ATRNL1: variants seen among roughly 807,000 people sequenced by gnomAD.
The protein encoded by ATRNL1 is attractin like 1.
A neutral mutation model predicts 182.7 loss-of-function variants in ATRNL1; 95 were observed. The observed-to-expected ratio is 0.52, with a 90% CI of 0.44 to 0.62. The LOEUF (loss-of-function observed/expected upper bound fraction) is 0.62. Among genes scored for constraint, ATRNL1 ranks in the 20% least tolerant of loss-of-function variants. The pLI, the probability that ATRNL1 is intolerant of heterozygous loss-of-function variation, is 0.00. For missense variants in ATRNL1, 1,471 were observed against 1,679.5 expected (o/e 0.88, Z 2.17); for synonymous variants, 576 against 568.3 (o/e 1.01, Z -0.19).
At chr10:115,196,791 C>T (rs1183593567) in intron 8 of ATRNL1, among the ~76,000 whole-genome samples, 6 of 152,088 alleles carry the variant, frequency 3.9e-5, no homozygotes, top group African/African-American at 9.7e-5. Context: ...TTATTAATAT[C>T]TGTAGCCCAT....
In ATRNL1 at chr10:115,094,090, C is replaced by G. The variant is rs782010946; in HGVS notation, c.293+47C>G. 2.3e-6 allele frequency: 3 copies of G among 1,326,128 alleles called. No individual in the cohort carries two copies. In the South Asian group the frequency reaches 6.3e-5, roughly 28 times the overall value. The allele number at this position is 1,326,128 out of a possible 1,614,324, so 82.1% of individuals were successfully genotyped here. On this transcript the variant is annotated intron_variant, in intron 1 of 28. Coordinates refer to ENST00000355044, the MANE Select transcript of ATRNL1 (RefSeq NM_207303.4). The stretch of plus-strand genomic sequence containing the variant: ...CGAACCTCCAGCCCTGCCTCGCTCC[C>G]GTCGCGGCCTTCCCCGCCCCCCTCG...
chr10:115,185,699 AT>A (rs1360897191), intron 8 of ATRNL1, among the ~76,000 whole-genome samples: 2 of 151,936 alleles, frequency 1.3e-5, no homozygotes, highest in African/African-American at 4.8e-5. Flanking sequence ...TGGGTATGAA[AT>A]TTTTTTATGA....
intron 26 of ATRNL1, among the ~76,000 whole-genome samples, chr10:115,680,269 G>A (rs1248443583): frequency 6.6e-6 from 1 of 152,092 alleles, no homozygotes; most frequent in Non-Finnish European, 1.5e-5. Context: ...AGACAGATCA[G>A]CAAAGGGTCT....
In ATRNL1 at chr10:115,237,382, A is replaced by G. The variant is rs537350892; in HGVS notation, c.1533-4189A>G. Among the ~76,000 whole-genome samples the G allele has an allele frequency of 2.0e-5, 3 of 152,326 alleles. No individual in the cohort carries two copies. In the East Asian group the frequency reaches 5.8e-4, roughly 29 times the overall value. On this transcript the variant is annotated intron_variant, in intron 9 of 28. Transcript: ENST00000355044. ...GATGAATGAGAGTTCCTGTTGCTCT[A>G]GATCGTTGCCATCTTTTGTCAGCAT...
chr10:115,215,602 T>A, intron 8 of ATRNL1, 95 bp from the exon 9 acceptor site: 1 of 935,334 alleles, frequency 1.1e-6, no homozygotes, highest in South Asian at 1.8e-5. Context: ...CATAAAAATA[T>A]GTCATTAGAA....
At chr10:115,373,297 T>TC (rs1454793141) in intron 19 of ATRNL1, among the ~76,000 whole-genome samples, 1 of 152,098 alleles carries the variant, frequency 6.6e-6, no homozygotes, top group African/African-American at 2.4e-5. Context: ...TAAGAACTTG[T>TC]CATCTGCAAA....
Position 115,121,743 on chromosome 10 carries a change from A to T in ATRNL1, c.422A>T (p.Glu141Val). 6.3e-7 allele frequency: 1 copy of T among 1,576,528 alleles called. No homozygotes were observed. The highest frequency in any genetic ancestry group is 8.6e-7 in the Non-Finnish European group (1 of 1,159,262). Residue 141 changes from glutamate (E) to valine (V), a missense_variant, in exon 3 of 29, where the codon GAA becomes GTA. By Grantham distance (121) the Glu-to-Val change is moderately radical. Around this residue, in one of 3 missense-constraint regions of ATRNL1, gnomAD observed 1,031 missense variants for 1,156.0 expected, o/e 0.89. Transcript: ENST00000355044. The part of the protein sequence containing the change: ...LRLRFNHFAT[E>V]CSWDHMYVYD... ...TTAAGATTCAATCATTTTGCTACAG[A>T]ATGTAGCTGGGATCATATGTATGTT...
intron 6 of ATRNL1, among the ~76,000 whole-genome samples, chr10:115,163,842 A>G (rs2144031215): frequency 6.6e-6 from 1 of 152,290 alleles, no homozygotes; most frequent in African/African-American, 2.4e-5. Flanking sequence ...TGGGTGGACT[A>G]GTGGTGTGAA....
chr10:115,937,572 G>A (rs1313699853), intron 28 of ATRNL1, among the ~76,000 whole-genome samples: 1 of 152,194 alleles, frequency 6.6e-6, no homozygotes, highest in African/African-American at 2.4e-5. Context: ...ATTGGCGAGG[G>A]TGGCCACACC....
At chr10:115,221,985 C>A (rs138753243) in intron 9 of ATRNL1, among the ~76,000 whole-genome samples, 1 of 150,956 alleles carries the variant, frequency 6.6e-6, no homozygotes, top group South Asian at 2.1e-4. Flanking sequence ...AGATAAGATA[C>A]GAAAAAACAA....
At chr10:115,756,825 G>T (rs1278639446) in intron 27 of ATRNL1, among the ~76,000 whole-genome samples, 1 of 152,064 alleles carries the variant, frequency 6.6e-6, no homozygotes, top group East Asian at 1.9e-4. Context: ...CTAAAAACTT[G>T]CTTTATGAAA....
intron 5 of ATRNL1, among the ~76,000 whole-genome samples, chr10:115,138,538 C>T (rs1353414388): frequency 6.6e-6 from 1 of 152,228 alleles, no homozygotes; most frequent in Admixed American, 6.5e-5. Flanking sequence ...ATGGAAGCTG[C>T]CAAGGCCTGG....
chr10:115,618,871 G>A (rs1318635518), intron 26 of ATRNL1, among the ~76,000 whole-genome samples: 1 of 152,106 alleles, frequency 6.6e-6, no homozygotes, highest in Non-Finnish European at 1.5e-5. Flanking sequence ...CTTGGGTGAT[G>A]CAATGTTTCT....
chr10:115,425,900 CTG>C (rs1439285527), intron 20 of ATRNL1, among the ~76,000 whole-genome samples: 3 of 152,006 alleles, frequency 2.0e-5, no homozygotes, highest in Non-Finnish European at 4.4e-5. Context: ...AAAAATATCT[CTG>C]TATCTTATTT....
At chr10:115,918,768 T>G (rs567759639) in intron 28 of ATRNL1, among the ~76,000 whole-genome samples, 4 of 152,272 alleles carry the variant, frequency 2.6e-5, no homozygotes, top group South Asian at 2.1e-4. Flanking sequence ...TTTAGTGTAG[T>G]CTTTGATAAT....
chr10:115,882,599 G>A (rs1476998458), intron 28 of ATRNL1, among the ~76,000 whole-genome samples: 1 of 152,132 alleles, frequency 6.6e-6, no homozygotes, highest in East Asian at 1.9e-4. Flanking sequence ...TCTCTATGAA[G>A]CCTTCCAGAC....
chr10:115,632,758 C>T (rs1858594965), intron 26 of ATRNL1, among the ~76,000 whole-genome samples: 2 of 152,046 alleles, frequency 1.3e-5, no homozygotes, highest in African/African-American at 4.8e-5. Flanking sequence ...GATTATCACA[C>T]ACAAACACAC....
intron 27 of ATRNL1, among the ~76,000 whole-genome samples, chr10:115,748,544 A>G (rs1362652192): frequency 4.6e-5 from 7 of 151,750 alleles, no homozygotes; most frequent in African/African-American, 1.7e-4. Flanking sequence ...TTTGGTTTCA[A>G]TCACCCTATG....
In ATRNL1 at chr10:115,552,733, T is replaced by TA. The variant is rs146828065; in HGVS notation, c.3795+3204dup. 2.7e-3 allele frequency among the ~76,000 whole-genome samples: 408 copies of TA among 151,250 alleles called. 6 individuals carry two copies. In the East Asian group the frequency reaches 0.042, roughly 15 times the overall value. ...AATTCAGGGGCTCTTAAACACACAT[T>TA]AAAAAAATGAAACTACACACAAAAG... On this transcript the variant is annotated intron_variant, in intron 26 of 28. Coordinates refer to ENST00000355044, the MANE Select transcript of ATRNL1 (RefSeq NM_207303.4).
Sources: allele counts gnomAD v4.1 joint callset (sites outside exome capture counted in the v4.1 genomes callset), GRCh38; gene constraint gnomAD v4.1.1; regional missense constraint gnomAD v4.1.1; transcripts MANE v1.5; gene names NCBI Gene and HGNC (gene_info 2026-07-23, HGNC 2026-07-21).